Variants in STAU1 observed in about 807,000 individuals in gnomAD.
STAU1 encodes staufen double-stranded RNA binding protein 1, also known as double-stranded RNA-binding protein Staufen homolog 1.
In STAU1, 13 loss-of-function variants were observed where a neutral mutation model predicts 62.9. The ratio of observed to expected loss-of-function variants is 0.21; its 90% CI spans 0.13 to 0.33. The LOEUF is 0.33. Among genes scored for constraint, STAU1 ranks in the 10% least tolerant of loss-of-function variants. The pLI is 1.00. For missense variants in STAU1, 571 were observed against 712.1 expected, an observed-to-expected ratio of 0.80 and a Z score of 2.25; for synonymous variants, 269 against 265.1, an observed-to-expected ratio of 1.01 and a Z score of -0.14.
chr20:49,198,963 G>A, the STAU1 span, among the ~76,000 whole-genome samples: 6 of 151,004 alleles, frequency 4.0e-5, no homozygotes, highest in Non-Finnish European at 7.4e-5. Flanking sequence ...ATGAGACCCC[G>A]TCCCCCTGCC....
chr20:49,158,876 C>T (rs13037912), intron 3 of STAU1: 1 of 1,154,960 alleles, frequency 8.7e-7, no homozygotes, highest in East Asian at 6.0e-5. Context: ...GCACTCCAGC[C>T]TGGGCCACAG....
chr20:49,117,394 C>T lies in STAU1; in HGVS notation c.1510-146G>A. 1.0e-6 allele frequency: 1 copy of T among 985,624 alleles called. No homozygotes were observed. Among genetic ancestry groups the T allele is most frequent in the South Asian group, 1.6e-5 (1 of 62,196 alleles). The allele number at this position is 985,624 out of a possible 1,614,324, so 61.1% of individuals were successfully genotyped here. On this transcript the variant is annotated intron_variant, in intron 11 of 13. Transcript: ENST00000371856. This position sits in a 1 kb window ranked among gnomAD's most constrained non-coding sequence, Gnocchi z 4.6. ...GTGGCCATACTAACACCTGCCCTGT[C>T]AGCCCAGAACCTTCCAGGAACCTAG...
upstream of STAU1, among the ~76,000 whole-genome samples, chr20:49,192,973 C>A (rs1412845114): frequency 2.0e-5 from 3 of 152,170 alleles, no homozygotes; most frequent in Non-Finnish European, 4.4e-5. Context: ...ATTGGTAAAG[C>A]ATTACCAATT....
At position 49,114,724 on chromosome 20, in the gene STAU1, G is replaced by C. The variant is rs2092272038; in HGVS notation, c.*154C>G. On this transcript the variant is annotated 3_prime_UTR_variant, in exon 14 of 14. Transcript: ENST00000371856. ...CCAGCCCGGCCACAGCCGCCTCCTT[G>C]TGTTTCTGTTGTCTTCCCTGCTGCT... The C allele has an allele frequency of 2.7e-6, 2 of 733,494 alleles. No homozygotes were observed. The highest frequency in any genetic ancestry group is 3.6e-5 in the African/African-American group (2 of 56,206). 45.4% of individuals were successfully genotyped at this position (733,494 alleles called of 1,614,324 possible).
intron 3 of STAU1, among the ~76,000 whole-genome samples, chr20:49,162,028 C>T (rs6066984): frequency 6.6e-6 from 1 of 152,174 alleles, no homozygotes; most frequent in Non-Finnish European, 1.5e-5. Flanking sequence ...ACACTGGTTA[C>T]TGAAACAGCC....
At chr20:49,185,134 T>C (rs2146625317) in intron 1 of STAU1, among the ~76,000 whole-genome samples, 1 of 152,354 alleles carries the variant, frequency 6.6e-6, no homozygotes, top group South Asian at 2.1e-4. Flanking sequence ...AAAACAATTC[T>C]ATGTTAGAAG....
In STAU1 at chr20:49,175,798, C is replaced by CCTTTTT. The variant is rs58550746; in HGVS notation, c.-159-1530_-159-1529insAAAAAG. ...GCCACCACACCCAACCTCATAATGC[C>CCTTTTT]TTTTTTTTTTTTTTTTGAGACGGAG... On this transcript the variant is annotated intron_variant, in intron 1 of 13. Coordinates refer to ENST00000371856, the MANE Select transcript of STAU1 (RefSeq NM_017453.4). Among the ~76,000 whole-genome samples, 17 of 104,820 alleles carry CCTTTTT rather than the reference C, an allele frequency of 1.6e-4. 1 individual carries two copies. Among genetic ancestry groups the CCTTTTT allele is most frequent in the African/African-American group, 3.6e-4 (10 of 27,902 alleles). The allele number at this position is 104,820 out of a possible 152,430, so 68.8% of individuals were successfully genotyped here.
chr20:49,126,978 G>A (rs1181407932), intron 6 of STAU1, among the ~76,000 whole-genome samples: 1 of 152,136 alleles, frequency 6.6e-6, no homozygotes, highest in South Asian at 2.1e-4. Context: ...CTTTATAACA[G>A]GAGAAAGCCT....
In STAU1 at chr20:49,121,754, C is replaced by T. The variant is rs529000692; in HGVS notation, c.966+1338G>A. Reference sequence around the variant, plus strand: ...ATGTATATAACACCCATGTATATATCTATAACATACATATTCAGCTCATTC... The same window carrying T: ...ATGTATATAACACCCATGTATATATTTATAACATACATATTCAGCTCATTC... On this transcript the variant is annotated intron_variant, in intron 8 of 13. Coordinates refer to ENST00000371856, the MANE Select transcript of STAU1 (RefSeq NM_017453.4). 2.2e-4 allele frequency among the ~76,000 whole-genome samples: 34 copies of T among 152,260 alleles called. No homozygotes were observed. In the Middle Eastern group the frequency reaches 0.01, roughly 46 times the overall value.
chr20:49,133,044 TC>T (rs1453153926), intron 6 of STAU1, among the ~76,000 whole-genome samples: 1 of 152,086 alleles, frequency 6.6e-6, no homozygotes, highest in African/African-American at 2.4e-5. Flanking sequence ...ATATAAGCAC[TC>T]ACGCCACCAA....
chr20:49,206,723 A>ATC, the STAU1 span, among the ~76,000 whole-genome samples: 1 of 37,030 alleles, frequency 2.7e-5, no homozygotes, highest in African/African-American at 1.8e-4. Context: ...GAAATTTTAT[A>ATC]TATATATATA....
the STAU1 span, among the ~76,000 whole-genome samples, chr20:49,204,514 G>A: frequency 6.9e-6 from 1 of 145,810 alleles, no homozygotes; most frequent in Non-Finnish European, 1.5e-5. Context: ...ACTTAGGTTG[G>A]TGTCCTTTGT....
chr20:49,155,955 C>T (rs2093350783), intron 3 of STAU1, among the ~76,000 whole-genome samples: 1 of 152,198 alleles, frequency 6.6e-6, no homozygotes, highest in Admixed American at 6.5e-5. Flanking sequence ...CTAAAACAGC[C>T]ATTAATGACA....
At chr20:49,122,364 A>G (rs2092483341) in intron 8 of STAU1, among the ~76,000 whole-genome samples, 1 of 152,200 alleles carries the variant, frequency 6.6e-6, no homozygotes. Flanking sequence ...TTTGGTAAAG[A>G]GCAATGTCAT....
the STAU1 span, among the ~76,000 whole-genome samples, chr20:49,208,632 T>C: frequency 6.6e-6 from 1 of 151,704 alleles, no homozygotes; most frequent in Non-Finnish European, 1.5e-5. Flanking sequence ...CTTTTTTTTT[T>C]TTTTTGAGAC....
chr20:49,152,593 G>T (rs2093273458), intron 4 of STAU1, among the ~76,000 whole-genome samples: 1 of 151,928 alleles, frequency 6.6e-6, no homozygotes, highest in Admixed American at 6.6e-5. Context: ...GCCTGCCTTG[G>T]CCTCCCAAAG....
At chr20:49,187,783 C>T (rs890744126) in intron 1 of STAU1, among the ~76,000 whole-genome samples, 21 of 138,746 alleles carry the variant, frequency 1.5e-4, no homozygotes, top group East Asian at 4.3e-4. Context: ...ACCCCCCCCC[C>T]CCCCCGCCTG....
chr20:49,201,606 G>A, the STAU1 span, among the ~76,000 whole-genome samples: 1 of 152,022 alleles, frequency 6.6e-6, no homozygotes, highest in African/African-American at 2.4e-5. Flanking sequence ...GCCGGGCGTT[G>A]TGGCAGGCAC....
intron 6 of STAU1, among the ~76,000 whole-genome samples, chr20:49,128,868 T>C (rs1209021660): frequency 6.6e-6 from 1 of 150,888 alleles, no homozygotes; most frequent in Non-Finnish European, 1.5e-5. Context: ...ATGTAAGAGC[T>C]AAAACTAAAA....
Sources: allele counts gnomAD v4.1 joint callset (sites outside exome capture counted in the v4.1 genomes callset), GRCh38; gene constraint gnomAD v4.1.1; non-coding constraint Gnocchi (gnomAD v3.1); transcripts MANE v1.5; gene names NCBI Gene and HGNC (gene_info 2026-07-23, HGNC 2026-07-21).